SHANK2: variants seen among roughly 807,000 people sequenced by gnomAD.
SHANK2 encodes SH3 and multiple ankyrin repeat domains 2.
Under a neutral mutation model 133.7 loss-of-function variants are expected in SHANK2, and 43 were observed. The ratio of observed to expected loss-of-function variants is 0.32; its 90% CI spans 0.25 to 0.41. SHANK2 has a LOEUF of 0.41. SHANK2 is among the 10% of genes least tolerant of loss of function. The pLI is 1.00. For synonymous variants in SHANK2, 1,017 were observed against 952.8 expected (o/e 1.07, Z -1.24); for missense variants, 1,994 against 2,235.8 (o/e 0.89, Z 2.18).
chr11:71,152,535 G>T (rs1555108274), intron 2 of SHANK2, among the ~76,000 whole-genome samples: 2 of 152,236 alleles, frequency 1.3e-5, no homozygotes, highest in Admixed American at 1.3e-4. Context: ...AGGGGCTCCT[G>T]AGGCCACAGC....
intron 11 of SHANK2, among the ~76,000 whole-genome samples, chr11:70,823,688 G>C (rs578232331): frequency 1.3e-5 from 2 of 149,326 alleles, no homozygotes; most frequent in Admixed American, 1.3e-4. Context: ...GGTGGCGCTG[G>C]CAGAACTCAT....
chr11:70,802,031 C>A (rs978405915), intron 13 of SHANK2, among the ~76,000 whole-genome samples: 1 of 152,120 alleles, frequency 6.6e-6, no homozygotes, highest in Non-Finnish European at 1.5e-5. Context: ...CTTGGGGCAA[C>A]CCTGCAGGAA....
intron 14 of SHANK2, among the ~76,000 whole-genome samples, chr11:70,742,349 C>G (rs1555034953): frequency 6.6e-6 from 1 of 152,206 alleles, no homozygotes; most frequent in Non-Finnish European, 1.5e-5. Flanking sequence ...ACCGACTGCT[C>G]TTGAACCCAC....
intron 14 of SHANK2, among the ~76,000 whole-genome samples, chr11:70,742,655 G>A (rs1034902302): frequency 9.9e-5 from 15 of 152,152 alleles, no homozygotes; most frequent in Admixed American, 3.3e-4. Flanking sequence ...CCCAGGACGC[G>A]GAATGAATGT....
At chr11:70,576,316 G>A (rs552530092) in intron 17 of SHANK2, among the ~76,000 whole-genome samples, 1 of 152,224 alleles carries the variant, frequency 6.6e-6, no homozygotes, top group Non-Finnish European at 1.5e-5. Context: ...CACCTCCTGG[G>A]GAGAGAGCCG....
At chr11:70,887,974 C>G (rs527561063) in intron 11 of SHANK2, among the ~76,000 whole-genome samples, 1 of 152,180 alleles carries the variant, frequency 6.6e-6, no homozygotes, top group African/African-American at 2.4e-5. Context: ...GGACAGGCCT[C>G]GCTTCATCCA....
At chr11:70,483,904 A>G (rs1326050968) in intron 25 of SHANK2, among the ~76,000 whole-genome samples, 2 of 152,196 alleles carry the variant, frequency 1.3e-5, no homozygotes, top group Non-Finnish European at 2.9e-5. Context: ...ATTTACATCC[A>G]CACTGAAAAA....
intron 11 of SHANK2, chr11:70,872,165 T>G (rs1053727172): frequency 3.9e-5 from 6 of 154,732 alleles, no homozygotes; most frequent in African/African-American, 1.4e-4. Flanking sequence ...ATAATCATGC[T>G]AAGTAGGATA....
chr11:71,111,399 T>C (rs1340272388), intron 5 of SHANK2, among the ~76,000 whole-genome samples: 1 of 152,052 alleles, frequency 6.6e-6, no homozygotes, highest in Admixed American at 6.6e-5. Context: ...TCCTGTGAGG[T>C]CATGATGGTC....
intron 14 of SHANK2, among the ~76,000 whole-genome samples, chr11:70,789,711 G>T (rs1947747240): frequency 6.6e-6 from 1 of 152,200 alleles, no homozygotes; most frequent in South Asian, 2.1e-4. Context: ...AGTTGAGAAT[G>T]TGGCATCTTA....
intron 1 of SHANK2, among the ~76,000 whole-genome samples, chr11:71,250,687 G>A (rs1240260286): frequency 6.6e-6 from 1 of 152,166 alleles, no homozygotes; most frequent in Non-Finnish European, 1.5e-5. Flanking sequence ...ACCCTCTGGG[G>A]CACCAGGCTC....
In SHANK2 at chr11:70,830,707, C is replaced by G. The variant is rs1271156094; in HGVS notation, c.1175-10025G>C. On this transcript the variant is annotated intron_variant, in intron 11 of 25. Coordinates refer to ENST00000601538, the MANE Select transcript of SHANK2 (RefSeq NM_012309.5). This position sits in a 1 kb window ranked among gnomAD's most constrained non-coding sequence, Gnocchi z 4.4. ...CCTGGAGGCTTCCAGAGATCTTCTT[C>G]TCTGAGAAAAGCCTCAGGCTTTGGG... Among the ~76,000 whole-genome samples, 4 of 152,244 alleles carry G rather than the reference C, an allele frequency of 2.6e-5. No individual in the cohort carries two copies. Among genetic ancestry groups the G allele is most frequent in the African/African-American group, 9.6e-5 (4 of 41,462 alleles).
At chr11:71,182,393 C>T (rs113232855) in intron 2 of SHANK2, among the ~76,000 whole-genome samples, 5,947 of 152,238 alleles carry the variant, frequency 0.039, 201 homozygotes, top group African/African-American at 0.091. Flanking sequence ...GAAGCAAAAA[C>T]GGCAGAAATG....
Position 70,657,041 on chromosome 11 carries a change from C to A in SHANK2, c.2061+2787G>T, listed in dbSNP as rs781798168. ...CTAGAGATACCAAAGACATTAAAAG[C>A]CAACATTCACTTCAAAGGGTGCCCA... On this transcript the variant is annotated intron_variant, in intron 17 of 25. Coordinates refer to ENST00000601538, the MANE Select transcript of SHANK2 (RefSeq NM_012309.5). 1.6e-4 allele frequency among the ~76,000 whole-genome samples: 25 copies of A among 152,180 alleles called. 1 individual carries two copies. The highest frequency in any genetic ancestry group is 3.2e-4 in the Non-Finnish European group (22 of 68,034).
chr11:71,094,581 C>T lies in SHANK2; in HGVS notation c.700G>A (p.Ala234Thr), dbSNP rs957583823. 3.2e-5 allele frequency: 49 copies of T among 1,551,484 alleles called. No individual in the cohort carries two copies. The highest frequency in any genetic ancestry group is 3.8e-5 in the Non-Finnish European group (44 of 1,146,938). The change falls in exon 7 of 26, where the codon GCC (alanine) becomes ACC (threonine). Residue 234 changes from alanine to threonine, a missense_variant. Physicochemically the swap from Ala to Thr is moderately conservative, Grantham distance 58. Transcript: ENST00000601538. The part of the protein sequence containing the change: ...LDFRAKDGMT[A>T]LHKAARARNQ... Reference sequence around the variant, plus strand: ...CTCGCTCGGGCAGCTTTGTGTAGGGCGGTCATCCCATCTTTGGCACGGAAG... The same window carrying T: ...CTCGCTCGGGCAGCTTTGTGTAGGGTGGTCATCCCATCTTTGGCACGGAAG...
At chr11:70,530,048 C>T (rs1010221716) in intron 17 of SHANK2, among the ~76,000 whole-genome samples, 1 of 152,144 alleles carries the variant, frequency 6.6e-6, no homozygotes, top group East Asian at 1.9e-4. Context: ...CCAGCAATTC[C>T]ACTCCTGGGT....
chr11:70,890,270 G>A (rs376195559), intron 11 of SHANK2, among the ~76,000 whole-genome samples: 7 of 152,108 alleles, frequency 4.6e-5, no homozygotes, highest in Admixed American at 6.5e-5. Context: ...TTGGGAGGCC[G>A]AGGCAGGCAG....
intron 11 of SHANK2, among the ~76,000 whole-genome samples, chr11:70,885,064 C>A (rs1555073142): frequency 6.6e-6 from 1 of 152,142 alleles, no homozygotes; most frequent in Non-Finnish European, 1.5e-5. Context: ...GGTATGTTAT[C>A]TAAGAGTTTC....
chr11:71,092,519 G>C lies in SHANK2; in HGVS notation c.815C>G (p.Ala272Gly). ...SYGLTPLYHTAIVGGDPYCCE... is the reference protein window; with the variant it reads ...SYGLTPLYHTGIVGGDPYCCE... ...GCAGTAGGGATCACCTCCGACGATG[G>C]CTGTGTGATACAGCGGGGTGAGGCC... The change falls in exon 8 of 26, where the codon GCC becomes GGC. Residue 272 changes from alanine (A) to glycine (G), a missense_variant. Ala to Gly is a moderately conservative substitution (Grantham distance 60, BLOSUM62 0). Coordinates refer to ENST00000601538, the MANE Select transcript of SHANK2 (RefSeq NM_012309.5). 1.9e-6 allele frequency: 3 copies of C among 1,551,826 alleles called. No individual in the cohort carries two copies. The highest frequency in any genetic ancestry group is 2.6e-6 in the Non-Finnish European group (3 of 1,147,012).
Sources: allele counts gnomAD v4.1 joint callset (sites outside exome capture counted in the v4.1 genomes callset), GRCh38; gene constraint gnomAD v4.1.1; non-coding constraint Gnocchi (gnomAD v3.1); transcripts MANE v1.5; gene names NCBI Gene and HGNC (gene_info 2026-07-23, HGNC 2026-07-21).